The following NDFIP2 variants were observed in gnomAD, a reference collection of about 807,000 sequenced individuals.
The protein encoded by NDFIP2 is Nedd4 family interacting protein 2, also known as NEDD4 family-interacting protein 2.
NDFIP2 carries 19 observed loss-of-function variants against 36.0 expected under a neutral mutation model. The ratio of observed to expected loss-of-function variants is 0.53; its 90% CI spans 0.37 to 0.77. NDFIP2 has a LOEUF of 0.77. Among genes scored for constraint, NDFIP2 ranks in the 30% least tolerant of loss-of-function variants. NDFIP2 has a pLI of 0.00. For synonymous variants in NDFIP2, 181 were observed against 167.7 expected, an observed-to-expected ratio of 1.08 and a Z score of -0.61; for missense variants, 446 against 435.8, an observed-to-expected ratio of 1.02 and a Z score of -0.21.
chr13:79,521,839 T>C (rs1489162439), intron 2 of NDFIP2, among the ~76,000 whole-genome samples: 1 of 150,962 alleles, frequency 6.6e-6, no homozygotes, highest in East Asian at 1.9e-4. Context: ...TTTTTTTTTT[T>C]TGAGACGGAG....
chr13:79,529,189 G>A (rs1874915155), intron 2 of NDFIP2, among the ~76,000 whole-genome samples: 1 of 152,132 alleles, frequency 6.6e-6, no homozygotes, highest in African/African-American at 2.4e-5. Context: ...AGGAGGATTT[G>A]GAGCTGGAGC....
At chr13:79,529,435 G>C (rs1161221880) in intron 2 of NDFIP2, among the ~76,000 whole-genome samples, 3 of 151,954 alleles carry the variant, frequency 2.0e-5, no homozygotes, top group Non-Finnish European at 4.4e-5. Context: ...CATTGTTCCA[G>C]TTTTTAAAAT....
chr13:79,534,491 G>A (rs1875152393), intron 3 of NDFIP2, among the ~76,000 whole-genome samples: 1 of 151,356 alleles, frequency 6.6e-6, no homozygotes, highest in African/African-American at 2.4e-5. Context: ...TCTGGTAAAT[G>A]GAGTGGCTGT....
chr13:79,537,872 A>G (rs907245537), intron 3 of NDFIP2, among the ~76,000 whole-genome samples: 3 of 152,352 alleles, frequency 2.0e-5, no homozygotes, highest in African/African-American at 7.2e-5. Flanking sequence ...ACTGCTATAA[A>G]GAAATACCCA....
intron 3 of NDFIP2, 98 bp downstream of exon 3, chr13:79,533,554 A>T (rs1168777282): frequency 6.0e-6 from 7 of 1,171,544 alleles, no homozygotes; most frequent in Non-Finnish European, 8.0e-6. Context: ...GTAAGTGTGT[A>T]TGTAGATTTT....
In NDFIP2 at chr13:79,508,646, C is replaced by T. The variant is rs113734288; in HGVS notation, c.322-12164C>T. 9.3e-3 allele frequency among the ~76,000 whole-genome samples: 1,420 copies of T among 152,228 alleles called. 20 individuals carry two copies. The highest frequency in any genetic ancestry group is 0.028 in the African/African-American group (1,153 of 41,540). On this transcript the variant is annotated intron_variant, in intron 1 of 7. Transcript: ENST00000218652. ...CATCTTGGTTTTGGTGGGGTTTAGCCGGCTTCTTTACTGCAGACTGTTTTA... is the reference window on the plus strand; with the variant it reads ...CATCTTGGTTTTGGTGGGGTTTAGCTGGCTTCTTTACTGCAGACTGTTTTA...
intron 1 of NDFIP2, among the ~76,000 whole-genome samples, chr13:79,497,904 C>A (rs181804772): frequency 8.6e-5 from 13 of 150,648 alleles, no homozygotes; most frequent in Admixed American, 8.0e-4. Context: ...TGGGGGCCTT[C>A]CAAATGTCAA....
At chr13:79,533,533 G>T (rs911833999) in intron 3 of NDFIP2, 77 bp downstream of exon 3, 1 of 1,348,592 alleles carries the variant, frequency 7.4e-7, no homozygotes, top group African/African-American at 1.5e-5. Context: ...ACTAAAAACA[G>T]TTCTTTGTGT....
chr13:79,518,156 A>G (rs554538944), intron 1 of NDFIP2, among the ~76,000 whole-genome samples: 2 of 152,338 alleles, frequency 1.3e-5, no homozygotes, highest in Admixed American at 1.3e-4. Flanking sequence ...GACGGATGGT[A>G]ATACCAAGTG....
chr13:79,503,680 C>G (rs957150704), intron 1 of NDFIP2, among the ~76,000 whole-genome samples: 1 of 152,254 alleles, frequency 6.6e-6, no homozygotes, highest in Non-Finnish European at 1.5e-5. Context: ...TCCATCATTA[C>G]TTTTTGTTTT....
intron 3 of NDFIP2, among the ~76,000 whole-genome samples, chr13:79,538,782 C>T (rs369483794): frequency 6.6e-6 from 1 of 152,208 alleles, no homozygotes; most frequent in Non-Finnish European, 1.5e-5. Context: ...AGGGTTTCAC[C>T]ATGCTGGCCA....
In NDFIP2 at chr13:79,484,540, G is replaced by C. The variant is rs1013295045; in HGVS notation, c.321+3016G>C. 2.0e-5 allele frequency among the ~76,000 whole-genome samples: 3 copies of C among 152,186 alleles called. No individual in the cohort carries two copies. In the South Asian group the frequency reaches 6.2e-4, roughly 32 times the overall value. Reference sequence around the variant, plus strand: ...AATTCTGCAGTAAAGACAGTGATTTGGATTTCTTTAACCTAGCTCTTCCTA... The same window carrying C: ...AATTCTGCAGTAAAGACAGTGATTTCGATTTCTTTAACCTAGCTCTTCCTA... On this transcript the variant is annotated intron_variant, in intron 1 of 7. Transcript: ENST00000218652.
rs779877915 is a variant in NDFIP2 at position 79,548,379 on chromosome 13, A to G, written c.892A>G (p.Ile298Val). The G allele has an allele frequency of 1.9e-6, 3 of 1,590,032 alleles. No homozygotes were observed. The highest frequency in any genetic ancestry group is 1.7e-5 in the Admixed American group (1 of 57,602). ...CAATGGACAGTATTGGCTTTGGTGG[A>G]TATTTCTTGTACTTGGTAAGTTTAT... ...YFNGQYWLWW[I>V]FLVLGLLLFF... The change falls in exon 6 of 8, where the codon ATA (isoleucine) becomes GTA (valine). Residue 298 changes from isoleucine to valine, a missense_variant. By Grantham distance (29) the Ile-to-Val change is conservative. This residue lies in a region of NDFIP2 where 77 missense variants were observed against 131.0 expected (regional missense o/e 0.59). Coordinates refer to ENST00000218652, the MANE Select transcript of NDFIP2 (RefSeq NM_019080.3).
rs1271723549 is a variant in NDFIP2 at position 79,487,373 on chromosome 13, G to A, written c.321+5849G>A. Among the ~76,000 whole-genome samples, 3 of 152,158 alleles carry A rather than the reference G, an allele frequency of 2.0e-5. No individual in the cohort carries two copies. In the South Asian group the frequency reaches 6.2e-4, roughly 32 times the overall value. ...GTAGCTCATCCCTTTTTATCATATA[G>A]TTTTCATCGTATAAATCGAATGAAT... On this transcript the variant is annotated intron_variant, in intron 1 of 7. Coordinates refer to ENST00000218652, the MANE Select transcript of NDFIP2 (RefSeq NM_019080.3).
intron 2 of NDFIP2, among the ~76,000 whole-genome samples, chr13:79,532,823 T>C (rs1875068347): frequency 6.6e-6 from 1 of 152,210 alleles, no homozygotes; most frequent in Non-Finnish European, 1.5e-5. Context: ...CTTAAATGTT[T>C]AATATTGTGC....
rs150182671 is a variant in NDFIP2 at position 79,533,351 on chromosome 13, C to T, written c.516C>T (p.Pro172=). 1.0e-4 allele frequency: 168 copies of T among 1,608,668 alleles called. No individual in the cohort carries two copies. The African/African-American group carries it at 1.5e-3, about 14-fold the overall frequency. The stretch of plus-strand genomic sequence containing the variant: ...CAGAAGTTTACGGTGAGTTTTATCC[C>T]GTGCCACCTCCCTATAGCGTTGCTA... ...SDTEVYGEFY[P]VPPPYSVATS... The change falls in exon 3 of 8, where the codon CCC becomes CCT. Residue 172 remains proline (P), a synonymous_variant. Coordinates refer to ENST00000218652, the MANE Select transcript of NDFIP2 (RefSeq NM_019080.3).
At chr13:79,525,139 G>A (rs1874741531) in intron 2 of NDFIP2, among the ~76,000 whole-genome samples, 1 of 152,082 alleles carries the variant, frequency 6.6e-6, no homozygotes, top group Non-Finnish European at 1.5e-5. Context: ...GCAGTAAATG[G>A]CTCAGTGTCT....
At chr13:79,492,148 A>G (rs1390751419) in intron 1 of NDFIP2, among the ~76,000 whole-genome samples, 1 of 152,216 alleles carries the variant, frequency 6.6e-6, no homozygotes, top group Non-Finnish European at 1.5e-5. Flanking sequence ...TTCATTTTGT[A>G]AAAGAATCTT....
At chr13:79,493,359 A>G (rs1873317107) in intron 1 of NDFIP2, among the ~76,000 whole-genome samples, 1 of 152,182 alleles carries the variant, frequency 6.6e-6, no homozygotes, top group East Asian at 1.9e-4. Flanking sequence ...GATGTTCATA[A>G]TTAGGGTATA....
Sources: gnomAD v4.1 joint callset for allele counts (sites outside exome capture counted in the v4.1 genomes callset) on GRCh38, gnomAD v4.1.1 for gene constraint, gnomAD v4.1.1 regional missense constraint, MANE v1.5 for transcripts, NCBI Gene and HGNC (gene_info 2026-07-23, HGNC 2026-07-21) for gene names.